The following CEP85L variants were observed in gnomAD, a reference collection of about 807,000 sequenced individuals.
The protein encoded by CEP85L is centrosomal protein 85L, also known as centrosomal protein of 85 kDa-like.
In CEP85L, 60 loss-of-function variants were observed where a neutral mutation model predicts 100.3. The observed-to-expected ratio is 0.60, with a 90% CI of 0.49 to 0.74. The LOEUF is 0.74. CEP85L is among the 30% of genes least tolerant of loss of function. The probability of loss-of-function intolerance (pLI) is 0.00; values close to 1 mark genes in which losing one functional copy is unlikely to be tolerated. For synonymous variants in CEP85L, 319 were observed against 322.7 expected (o/e 0.99, Z 0.12); for missense variants, 973 against 936.2 (o/e 1.04, Z -0.51).
At chr6:118,521,743 T>G (rs1483419281) in intron 4 of CEP85L, among the ~76,000 whole-genome samples, 1 of 152,026 alleles carries the variant, frequency 6.6e-6, no homozygotes, top group Non-Finnish European at 1.5e-5. Flanking sequence ...ACAGAACATG[T>G]GGAGTAAGAC....
intron 6 of CEP85L, among the ~76,000 whole-genome samples, chr6:118,487,662 A>G (rs1423557800): frequency 6.6e-6 from 1 of 152,064 alleles, no homozygotes; most frequent in African/African-American, 2.4e-5. Context: ...CAACACCCCA[A>G]CTTTTCTGGG....
intron 3 of CEP85L, chr6:118,537,665 G>A: frequency 1.0e-6 from 1 of 985,306 alleles, no homozygotes; most frequent in Non-Finnish European, 1.2e-6. Context: ...GGCCAAACAT[G>A]CTCCTAATAA....
At chr6:118,697,133 G>A (rs957118187) in intron 1 of CEP85L, among the ~76,000 whole-genome samples, 1 of 152,164 alleles carries the variant, frequency 6.6e-6, no homozygotes, top group African/African-American at 2.4e-5. Flanking sequence ...TGATCACTTA[G>A]ATTCACTGAT....
At chr6:118,542,314 T>C (rs1347513902) in intron 3 of CEP85L, among the ~76,000 whole-genome samples, 1 of 152,192 alleles carries the variant, frequency 6.6e-6, no homozygotes, top group African/African-American at 2.4e-5. Flanking sequence ...AAGCTTAACA[T>C]GCCTGAAGAT....
At position 118,483,809 on chromosome 6, in the gene CEP85L, T is replaced by G. The variant is rs375276664; in HGVS notation, c.1487A>C (p.Lys496Thr). The G allele has an allele frequency of 3.1e-6, 5 of 1,613,790 alleles. No individual in the cohort carries two copies. The African/African-American group carries it at 6.7e-5, about 22-fold the overall frequency. Residue 496 changes from lysine to threonine, a missense_variant, in exon 7 of 13, where the codon AAG (lysine) becomes ACG (threonine). This residue lies in a region of CEP85L where 890 missense variants were observed against 844.5 expected (regional missense o/e 1.05). Coordinates refer to ENST00000368491, the MANE Select transcript of CEP85L (RefSeq NM_001042475.3). The stretch of plus-strand genomic sequence containing the variant: ...CTTTTCTTTGTTTTGTTCAGATTCC[T>G]TCTGGCATTTCTTTTTCAGACTACT... ...YISSLKKKCQKESEQNKEKQR... is the reference protein window; with the variant it reads ...YISSLKKKCQTESEQNKEKQR...
chr6:118,578,702 C>T (rs1780389144), intron 2 of CEP85L, among the ~76,000 whole-genome samples: 2 of 152,160 alleles, frequency 1.3e-5, no homozygotes, highest in South Asian at 4.1e-4. Flanking sequence ...GCACTCCAGC[C>T]TGGTGACCGG....
At chr6:118,679,173 T>C (rs1446541133) in intron 1 of CEP85L, among the ~76,000 whole-genome samples, 1 of 152,226 alleles carries the variant, frequency 6.6e-6, no homozygotes, top group Non-Finnish European at 1.5e-5. Flanking sequence ...ATTCTCTGTT[T>C]CCTGAGAACT....
chr6:118,608,845 G>T (rs1464247645), intron 2 of CEP85L, among the ~76,000 whole-genome samples: 1 of 152,042 alleles, frequency 6.6e-6, no homozygotes, highest in Non-Finnish European at 1.5e-5. Flanking sequence ...GATTTGTTTG[G>T]CTCATATACC....
At chr6:118,540,326 T>C (rs1777837463) in intron 3 of CEP85L, among the ~76,000 whole-genome samples, 1 of 152,228 alleles carries the variant, frequency 6.6e-6, no homozygotes, top group African/African-American at 2.4e-5. Flanking sequence ...TATTAACTAC[T>C]GACTGATATG....
intron 5 of CEP85L, chr6:118,502,754 A>C: frequency 3.6e-6 from 2 of 561,552 alleles, no homozygotes; most frequent in Non-Finnish European, 6.6e-6. Context: ...TGAACAGGTG[A>C]CCAATAATCT....
intron 1 of CEP85L, among the ~76,000 whole-genome samples, chr6:118,680,306 CTTTT>C (rs57764027): frequency 8.9e-5 from 5 of 56,170 alleles, no homozygotes; most frequent in African/African-American, 1.8e-4. Flanking sequence ...CTTGGTGTTG[CTTTT>C]TTTTTTTTTT....
intron 3 of CEP85L, chr6:118,559,450 G>T: frequency 7.2e-6 from 2 of 278,924 alleles, no homozygotes; most frequent in Non-Finnish European, 1.5e-5. Context: ...TTACTCTTTT[G>T]AGGTGAATAT....
At chr6:118,538,675 TC>T (rs1777737882) in intron 3 of CEP85L, among the ~76,000 whole-genome samples, 3 of 136,492 alleles carry the variant, frequency 2.2e-5, no homozygotes, top group Admixed American at 2.1e-4. Flanking sequence ...AAATGGTTTA[TC>T]CAAGACAGAC....
chr6:118,671,555 C>T (rs565023948), intron 1 of CEP85L, among the ~76,000 whole-genome samples: 4 of 152,056 alleles, frequency 2.6e-5, no homozygotes, highest in Non-Finnish European at 5.9e-5. Flanking sequence ...AAGGATCTGG[C>T]GTTTCTCTAT....
chr6:118,555,585 T>C (rs1391265100), intron 3 of CEP85L, among the ~76,000 whole-genome samples: 5 of 152,208 alleles, frequency 3.3e-5, no homozygotes, highest in Admixed American at 6.5e-5. Flanking sequence ...AATCTATTTA[T>C]ATTTTACCTG....
intron 1 of CEP85L, among the ~76,000 whole-genome samples, chr6:118,707,443 C>T (rs1001970584): frequency 6.6e-6 from 1 of 152,128 alleles, no homozygotes; most frequent in Non-Finnish European, 1.5e-5. Context: ...ATCCTCCCGC[C>T]TCGGCCTCCC....
intron 1 of CEP85L, among the ~76,000 whole-genome samples, chr6:118,678,547 C>T (rs903223700): frequency 6.6e-6 from 1 of 152,236 alleles, no homozygotes; most frequent in Non-Finnish European, 1.5e-5. Context: ...ATTTACTGAA[C>T]TCTATTTTAT....
At chr6:118,629,905 A>G (rs1188549545) in intron 2 of CEP85L, among the ~76,000 whole-genome samples, 1 of 152,160 alleles carries the variant, frequency 6.6e-6, no homozygotes, top group African/African-American at 2.4e-5. Context: ...TGAGAAAACA[A>G]AAGTCCAAAA....
At chr6:118,525,316 C>T (rs1776903469) in intron 3 of CEP85L, among the ~76,000 whole-genome samples, 1 of 152,124 alleles carries the variant, frequency 6.6e-6, no homozygotes, top group Non-Finnish European at 1.5e-5. Flanking sequence ...AAGCAGCAAA[C>T]ATTTAAAAAT....
Sources: gnomAD v4.1 joint callset for allele counts (sites outside exome capture counted in the v4.1 genomes callset) on GRCh38, gnomAD v4.1.1 for gene constraint, gnomAD v4.1.1 regional missense constraint, MANE v1.5 for transcripts, NCBI Gene and HGNC (gene_info 2026-07-23, HGNC 2026-07-21) for gene names.